Variants in NGF observed in about 807,000 individuals in gnomAD.
NGF encodes the protein nerve growth factor.
Under a neutral mutation model 12.8 loss-of-function variants are expected in NGF, and 4 were observed. The ratio of observed to expected loss-of-function variants is 0.31; its 90% CI spans 0.15 to 0.72. The LOEUF is 0.72. Among genes scored for constraint, NGF ranks in the 30% least tolerant of loss-of-function variants. The pLI, the probability that NGF is intolerant of heterozygous loss-of-function variation, is 0.69. For missense variants in NGF, 283 were observed against 330.8 expected (o/e 0.86, Z 1.12); for synonymous variants, 140 against 130.0 (o/e 1.08, Z -0.52).
intron 1 of NGF, among the ~76,000 whole-genome samples, chr1:115,317,110 TAA>T (rs201127474): frequency 8.4e-5 from 12 of 142,768 alleles, no homozygotes; most frequent in East Asian, 2.0e-4. Flanking sequence ...ACCCAGTTGG[TAA>T]AAAAAAAAAA....
intron 1 of NGF, among the ~76,000 whole-genome samples, chr1:115,316,255 GC>G (rs1654473951): frequency 6.6e-6 from 1 of 152,076 alleles, no homozygotes; most frequent in Admixed American, 6.5e-5. Context: ...CTAAACTCCT[GC>G]CACACCAAAT....
At chr1:115,315,347 T>C (rs1298510614) in intron 1 of NGF, among the ~76,000 whole-genome samples, 2 of 152,248 alleles carry the variant, frequency 1.3e-5, no homozygotes, top group African/African-American at 2.4e-5. Flanking sequence ...TGGGAGGTGA[T>C]GGTCTGGGGC....
intron 1 of NGF, among the ~76,000 whole-genome samples, chr1:115,298,241 C>A (rs1003417302): frequency 1.3e-5 from 2 of 152,044 alleles, no homozygotes; most frequent in African/African-American, 4.8e-5. Context: ...CTGGCAATGC[C>A]CATTATTGAC....
Position 115,285,973 on chromosome 1 carries a change from C to A in NGF, c.*97G>T. 5 of 1,447,770 alleles carry A rather than the reference C, an allele frequency of 3.5e-6. No individual in the cohort carries two copies. The highest frequency in any genetic ancestry group is 4.6e-6 in the Non-Finnish European group (5 of 1,076,168). The allele number at this position is 1,447,770 out of a possible 1,614,324, so 89.7% of individuals were successfully genotyped here. ...TTAAAACTGTATAAACTATAAATTA[C>A]CATGCAGTCCTTATAATTTAAAATA... On this transcript the variant is annotated 3_prime_UTR_variant, in exon 3 of 3. Transcript: ENST00000369512.
In NGF at chr1:115,326,339, G is replaced by T. The variant is rs74653175; in HGVS notation, c.-137+11865C>A. On this transcript the variant is annotated intron_variant, in intron 1 of 2. Transcript: ENST00000369512. The stretch of plus-strand genomic sequence containing the variant: ...GTTTGTGTTCAATGGTGGTGGCAAT[G>T]GTACTGAACTACTATAAGGTACTAT... Among the ~76,000 whole-genome samples, 495 of 152,280 alleles carry T rather than the reference G, an allele frequency of 3.3e-3. 2 individuals are homozygous for T. The highest frequency in any genetic ancestry group is 0.012 in the South Asian group (57 of 4,814).
At chr1:115,319,755 C>T (rs559175788) in intron 1 of NGF, among the ~76,000 whole-genome samples, 10 of 152,316 alleles carry the variant, frequency 6.6e-5, no homozygotes, top group Admixed American at 6.5e-4. Context: ...ACCCAGCCCT[C>T]GTTCTTGTGC....
intron 1 of NGF, among the ~76,000 whole-genome samples, chr1:115,328,270 C>T (rs1654827147): frequency 6.6e-6 from 1 of 152,192 alleles, no homozygotes; most frequent in South Asian, 2.1e-4. Context: ...CATCACTGAT[C>T]TGTCCTCAGA....
chr1:115,290,991 CT>C lies in NGF; in HGVS notation c.-13+2635del, dbSNP rs377716887. ...TGAAGTTTTCTACCCTGCCTTGCAT[CT>C]GCTGGTTTGACTGAACTGACTTCAC... is the stretch of plus-strand genomic sequence containing the variant. On this transcript the variant is annotated intron_variant, in intron 2 of 2. Transcript: ENST00000369512. 2.6e-4 allele frequency among the ~76,000 whole-genome samples: 40 copies of C among 152,316 alleles called. No homozygotes were observed. In the South Asian group the frequency reaches 7.9e-3, roughly 30 times the overall value.
At chr1:115,308,147 T>A (rs761558811) in intron 1 of NGF, among the ~76,000 whole-genome samples, 4 of 152,220 alleles carry the variant, frequency 2.6e-5, no homozygotes, top group Admixed American at 6.5e-5. Context: ...CATCATTGCT[T>A]TACCAGGTAC....
chr1:115,294,479 G>C (rs1051794383), intron 1 of NGF, among the ~76,000 whole-genome samples: 1 of 152,186 alleles, frequency 6.6e-6, no homozygotes, highest in African/African-American at 2.4e-5. Context: ...TATGTGCCAG[G>C]CACTGTTTTT....
rs1439098589 is a variant in NGF at position 115,286,579 on chromosome 1, C to T, written c.217G>A (p.Asp73Asn). 6.2e-7 allele frequency: 1 copy of T among 1,614,212 alleles called. No individual in the cohort carries two copies. The highest frequency in any genetic ancestry group is 8.5e-7 in the Non-Finnish European group (1 of 1,180,044). ...VAGQTRNITV[D>N]PRLFKKRRLR... The stretch of plus-strand genomic sequence containing the variant: ...CGCCGCTTTTTAAACAGCCTGGGGT[C>T]CACAGTAATGTTGCGGGTCTGCCCC... The change falls in exon 3 of 3, where the codon GAC (aspartate) becomes AAC (asparagine). Residue 73 changes from aspartate to asparagine, a missense_variant. Transcript: ENST00000369512.
Position 115,337,375 on chromosome 1 carries a change from C to A in NGF, c.-137+829G>T, listed in dbSNP as rs1470066634. Among the ~76,000 whole-genome samples, 5 of 145,868 alleles carry A rather than the reference C, an allele frequency of 3.4e-5. No homozygotes were observed. The East Asian group carries it at 1.0e-3, about 31-fold the overall frequency. Reference sequence around the variant, plus strand: ...CTGGCTCAAAGTTGCAGCTCCCTGACCCCTGAGTCCTCTCTCCCTCCCCTA... The same window carrying A: ...CTGGCTCAAAGTTGCAGCTCCCTGAACCCTGAGTCCTCTCTCCCTCCCCTA... On this transcript the variant is annotated intron_variant, in intron 1 of 2. Coordinates refer to ENST00000369512, the MANE Select transcript of NGF (RefSeq NM_002506.3).
intron 1 of NGF, among the ~76,000 whole-genome samples, chr1:115,304,686 C>G (rs1237546985): frequency 6.6e-6 from 1 of 152,148 alleles, no homozygotes; most frequent in Non-Finnish European, 1.5e-5. Context: ...CTCTCAGCCT[C>G]CAGAAGGAGG....
At chr1:115,290,386 C>CTTTTTTTT (rs67332447) in intron 2 of NGF, among the ~76,000 whole-genome samples, 1 of 64,412 alleles carries the variant, frequency 1.6e-5, no homozygotes, top group Non-Finnish European at 2.9e-5. Flanking sequence ...CTTCTCTCAT[C>CTTTTTTTT]TTTTTTTTTT....
rs1489295547 is a variant in NGF, at chr1:115,319,421, A to G, written c.-137+18783T>C. On this transcript the variant is annotated intron_variant, in intron 1 of 2. Coordinates refer to ENST00000369512, the MANE Select transcript of NGF (RefSeq NM_002506.3). ...CATGTGTACATGTACTCGCACACAC[A>G]CATACTCATGTACACACCTGTACAC... 2.6e-5 allele frequency among the ~76,000 whole-genome samples: 4 copies of G among 152,148 alleles called. No individual in the cohort carries two copies. The East Asian group carries it at 7.7e-4, about 29-fold the overall frequency.
chr1:115,333,474 G>C (rs940072719), intron 1 of NGF, among the ~76,000 whole-genome samples: 12 of 130,078 alleles, frequency 9.2e-5, no homozygotes, highest in Non-Finnish European at 1.8e-4. Context: ...AATCCTGACT[G>C]TCTGACTCTG....
intron 1 of NGF, among the ~76,000 whole-genome samples, chr1:115,300,232 T>TA (rs1653996025): frequency 6.6e-6 from 1 of 152,064 alleles, no homozygotes; most frequent in Non-Finnish European, 1.5e-5. Flanking sequence ...TAAGACAAGG[T>TA]AAGGATTCAT....
At chr1:115,296,926 A>G (rs1653890984) in intron 1 of NGF, among the ~76,000 whole-genome samples, 1 of 152,242 alleles carries the variant, frequency 6.6e-6, no homozygotes, top group Non-Finnish European at 1.5e-5. Context: ...AACAGAAATC[A>G]GCTCTCACAC....
In NGF at chr1:115,286,544, T is replaced by A. The variant is rs761709969; in HGVS notation, c.252A>T (p.Ser84=). The change falls in exon 3 of 3, where the codon TCA becomes TCT. Residue 84 remains serine, a synonymous_variant. Transcript: ENST00000369512. ...GCTGGGTGCTAAACAGCACACGGGG[T>A]GAACGGAGTCGCCGCTTTTTAAACA... ...PRLFKKRRLR[S]PRVLFSTQPP... is the part of the protein sequence containing the mutation. The A allele has an allele frequency of 1.2e-6, 2 of 1,613,998 alleles. No homozygotes were observed. The highest frequency in any genetic ancestry group is 2.7e-5 in the African/African-American group (2 of 74,904).
Sources: allele counts gnomAD v4.1 joint callset (sites outside exome capture counted in the v4.1 genomes callset), GRCh38; gene constraint gnomAD v4.1.1; transcripts MANE v1.5; gene names NCBI Gene and HGNC (gene_info 2026-07-23, HGNC 2026-07-21).